The following SLC12A9 variants were observed in gnomAD, a reference collection of about 807,000 sequenced individuals.
The protein encoded by SLC12A9 is solute carrier family 12 member 9.
SLC12A9 carries 55 observed loss-of-function variants against 66.0 expected under a neutral mutation model. The ratio of observed to expected loss-of-function variants is 0.83; its 90% CI spans 0.67 to 1.04. The LOEUF (loss-of-function observed/expected upper bound fraction) is 1.04, where lower values mean the gene tolerates loss of function less well. Ranked by LOEUF, SLC12A9 falls within the 50% of genes least tolerant of loss-of-function variation. SLC12A9 has a pLI of 0.00. For synonymous variants in SLC12A9, 577 were observed against 569.0 expected (o/e 1.01, Z -0.20); for missense variants, 1,061 against 1,241.9 (o/e 0.85, Z 2.19).
In SLC12A9 at chr7:100,866,736, G is replaced by GT. The variant is rs1815122746; in HGVS notation, c.*131_*132insT. ...GGGACGTGGAGCCCAGGGGAGGTTT[G>GT]AAGGGGATCCTGGGCTTGGGCATCA... is the stretch of plus-strand genomic sequence containing the variant. On this transcript the variant is annotated 3_prime_UTR_variant, in exon 14 of 14. Coordinates refer to ENST00000354161, the MANE Select transcript of SLC12A9 (RefSeq NM_020246.4). This position sits in a 1 kb window ranked among gnomAD's most constrained non-coding sequence, Gnocchi z 7.3. 1 of 1,007,438 alleles carries GT rather than the reference G, an allele frequency of 9.9e-7. No individual in the cohort carries two copies. The highest frequency in any genetic ancestry group is 1.9e-5 in the South Asian group (1 of 52,908). 62.4% of individuals were successfully genotyped at this position (1,007,438 alleles called of 1,614,324 possible).
chr7:100,848,671 G>A (rs1024611981), upstream of SLC12A9, among the ~76,000 whole-genome samples: 4 of 152,062 alleles, frequency 2.6e-5, no homozygotes, highest in African/African-American at 4.8e-5. Context: ...CGGATCACGA[G>A]GTCAGGAGAT....
intron 1 of SLC12A9, among the ~76,000 whole-genome samples, chr7:100,832,603 G>A (rs1813564816): frequency 6.6e-6 from 1 of 152,166 alleles, no homozygotes; most frequent in South Asian, 2.1e-4. Flanking sequence ...GATGGTCAAA[G>A]AGTACACATC....
chr7:100,858,817 C>A lies in SLC12A9; in HGVS notation c.758-18C>A, dbSNP rs754043612. The A allele has an allele frequency of 7.4e-6, 12 of 1,613,338 alleles. No homozygotes were observed. The African/African-American group carries it at 1.2e-4, about 16-fold the overall frequency. On this transcript the variant is annotated intron_variant, in intron 5 of 13. Transcript: ENST00000354161. ...GACGGATGCTGATGCACTCTCCTCC[C>A]TGGGAGGATCCTCCTAGCTGGCTAT...
At chr7:100,837,493 T>A (rs1259584872) in intron 1 of SLC12A9, 1 of 152,196 alleles carries the variant, frequency 6.6e-6, no homozygotes, top group East Asian at 1.9e-4. Context: ...GTCGCCGCCA[T>A]CTTTCCTTCC....
At position 100,861,453 on chromosome 7, in the gene SLC12A9, A is replaced by G; in HGVS notation, c.1405A>G (p.Met469Val). ...GCTGGGGGTGGCCTCCTGCCTGCTCATGATGTTCCTCATCAGTCCTGGCGC... is the reference window on the plus strand; with the variant it reads ...GCTGGGGGTGGCCTCCTGCCTGCTCGTGATGTTCCTCATCAGTCCTGGCGC... ...CLLGVASCLL[M>V]MFLISPGAAG... Residue 469 changes from methionine (M) to valine (V), a missense_variant, in exon 11 of 14, where the codon ATG becomes GTG. Coordinates refer to ENST00000354161, the MANE Select transcript of SLC12A9 (RefSeq NM_020246.4). This position sits in a 1 kb window ranked among gnomAD's most constrained non-coding sequence, Gnocchi z 5.3. 5 of 1,613,680 alleles carry G rather than the reference A, an allele frequency of 3.1e-6. No individual in the cohort carries two copies. The highest frequency in any genetic ancestry group is 1.7e-5 in the Admixed American group (1 of 60,022).
intron 12 of SLC12A9, among the ~76,000 whole-genome samples, chr7:100,862,357 C>T (rs1271691670): frequency 6.6e-6 from 1 of 152,160 alleles, no homozygotes; most frequent in Non-Finnish European, 1.5e-5. Flanking sequence ...CTCTTGGGCT[C>T]AAGTAATCCT....
At chr7:100,841,952 T>A (rs1010074190) in intron 1 of SLC12A9, among the ~76,000 whole-genome samples, 1 of 152,124 alleles carries the variant, frequency 6.6e-6, no homozygotes, top group Non-Finnish European at 1.5e-5. Flanking sequence ...TTCCTTTCTC[T>A]CAAAAACTAA....
rs1554429399 is a variant in SLC12A9, at chr7:100,861,960, TA to T, written c.1711+50del. Reference sequence around the variant, plus strand: ...ACTCACTCCCATCCTTCTCTCCCCCTACCTTTTTTTTTTTTTTGAGATGGAG... The same window carrying T: ...ACTCACTCCCATCCTTCTCTCCCCCTCCTTTTTTTTTTTTTTGAGATGGAG... On this transcript the variant is annotated intron_variant, in intron 12 of 13. Coordinates refer to ENST00000354161, the MANE Select transcript of SLC12A9 (RefSeq NM_020246.4). The surrounding 1 kb of genome is among the most constrained non-coding windows in gnomAD (Gnocchi z 5.3). 4 of 1,408,522 alleles carry T rather than the reference TA, an allele frequency of 2.8e-6. No individual in the cohort carries two copies. The highest frequency in any genetic ancestry group is 2.5e-5 in the Admixed American group (1 of 39,958). The allele number at this position is 1,408,522 out of a possible 1,614,324, so 87.3% of individuals were successfully genotyped here.
Position 100,865,872 on chromosome 7 carries a change from C to T in SLC12A9, c.2012C>T (p.Ala671Val), listed in dbSNP as rs752753501. The T allele has an allele frequency of 1.2e-6, 2 of 1,613,710 alleles. No homozygotes were observed. Among genetic ancestry groups the T allele is most frequent in the South Asian group, 2.2e-5 (2 of 91,090 alleles). The change falls in exon 14 of 14, where the codon GCT (alanine) becomes GTT (valine). Residue 671 changes from alanine (A) to valine (V), a missense_variant. Ala to Val is a moderately conservative substitution (Grantham distance 64). Transcript: ENST00000354161. ...AGCACCCTGTTCCCTCCTCCCCGGG[C>T]TCCTGGGAGCCCCCGGGCCCTCAAT... ...ALSTLFPPPRAPGSPRALNPQ... is the reference protein window; with the variant it reads ...ALSTLFPPPRVPGSPRALNPQ...
At chr7:100,833,730 C>G (rs1263065031) in intron 1 of SLC12A9, among the ~76,000 whole-genome samples, 2 of 151,624 alleles carry the variant, frequency 1.3e-5, no homozygotes, top group South Asian at 2.1e-4. Flanking sequence ...GTCAGGAGAT[C>G]GAGACAATCC....
upstream of SLC12A9, among the ~76,000 whole-genome samples, chr7:100,851,784 CAAAAAAAAAAA>C (rs66749400): frequency 1.3e-5 from 1 of 74,246 alleles, no homozygotes. Flanking sequence ...GTTCCTGGAT[CAAAAAAAAAAA>C]AAAAAAAAAA....
intron 1 of SLC12A9, chr7:100,827,137 C>A (rs1315820067): frequency 1.7e-5 from 21 of 1,259,128 alleles, no homozygotes; most frequent in African/African-American, 3.1e-5. Context: ...CGCGGGACTC[C>A]TCGTCGGGGC....
At chr7:100,838,711 A>G (rs1246589238) in intron 1 of SLC12A9, among the ~76,000 whole-genome samples, 1 of 151,950 alleles carries the variant, frequency 6.6e-6, no homozygotes, top group Non-Finnish European at 1.5e-5. Flanking sequence ...AAAGGAGGAG[A>G]CTACCTTTCA....
intron 3 of SLC12A9, 50 bp from the exon 4 acceptor site, chr7:100,855,656 C>A (rs773824365): frequency 6.2e-7 from 1 of 1,611,478 alleles, no homozygotes; most frequent in Non-Finnish European, 8.5e-7. Context: ...AACTTCCTCA[C>A]GTCCATTTCA....
rs373384131 is a variant in SLC12A9, at chr7:100,866,333, C to G, written c.2473C>G (p.Arg825Gly). The G allele has an allele frequency of 3.2e-5, 48 of 1,505,958 alleles. 1 individual carries two copies. In the South Asian group the frequency reaches 5.3e-4, roughly 17 times the overall value. 93.3% of individuals were successfully genotyped at this position (1,505,958 alleles called of 1,614,324 possible). Residue 825 changes from arginine to glycine, a missense_variant, in exon 14 of 14, where the codon CGG becomes GGG. By Grantham distance (125) the Arg-to-Gly change is moderately radical. Transcript: ENST00000354161. The surrounding 1 kb of genome is among the most constrained non-coding windows in gnomAD (Gnocchi z 7.3). Reference sequence around the variant, plus strand: ...GGAAGGGGACTTTGTGAACAGTGGGCGGGGAGACGCAGAGGCAGAGGCCCT... The same window carrying G: ...GGAAGGGGACTTTGTGAACAGTGGGGGGGGAGACGCAGAGGCAGAGGCCCT... ...EEEGDFVNSGRGDAEAEALAR... is the reference protein window; with the variant it reads ...EEEGDFVNSGGGDAEAEALAR...
intron 1 of SLC12A9, among the ~76,000 whole-genome samples, chr7:100,846,696 C>T (rs1005483808): frequency 5.3e-5 from 8 of 152,184 alleles, no homozygotes; most frequent in African/African-American, 1.9e-4. Context: ...AGAACTTCCA[C>T]TATTGAGTGA....
intron 1 of SLC12A9, among the ~76,000 whole-genome samples, chr7:100,832,096 A>T (rs529549419): frequency 1.3e-5 from 2 of 152,226 alleles, no homozygotes; most frequent in African/African-American, 4.8e-5. Context: ...GCTACTCGGG[A>T]GGCTGAGGCA....
rs373120210 is a variant in SLC12A9 at position 100,865,996 on chromosome 7, C to T, written c.2136C>T (p.Ser712=). The part of the protein sequence containing the change: ...ASGALPPERL[S]RGSGGTSQLH... ...GGGCCTTGCCCCCTGAGCGGCTGAG[C>T]CGGGGGTCTGGGGGCACCTCTCAGC... Residue 712 remains serine (S), a synonymous_variant, in exon 14 of 14, where the codon AGC becomes AGT. Transcript: ENST00000354161. The T allele has an allele frequency of 1.9e-6, 3 of 1,612,536 alleles. No individual in the cohort carries two copies. The highest frequency in any genetic ancestry group is 2.7e-5 in the African/African-American group (2 of 74,942).
chr7:100,826,927 G>A, exon 1 of SLC12A9: 4 of 1,536,354 alleles, frequency 2.6e-6, no homozygotes, highest in Non-Finnish European at 1.8e-6. Flanking sequence ...CAGATGTTGG[G>A]GGGGAGGTCC....
Sources: allele counts gnomAD v4.1 joint callset (sites outside exome capture counted in the v4.1 genomes callset), GRCh38; gene constraint gnomAD v4.1.1; non-coding constraint Gnocchi (gnomAD v3.1); transcripts MANE v1.5; gene names NCBI Gene and HGNC (gene_info 2026-07-23, HGNC 2026-07-21).